Variants in COL6A6 observed in about 807,000 individuals in gnomAD.
COL6A6 encodes collagen alpha-6(VI) chain.
Under a neutral mutation model 208.6 loss-of-function variants are expected in COL6A6, and 183 were observed. That is an observed-to-expected ratio of 0.88 (90% CI 0.78 to 0.99). The LOEUF (loss-of-function observed/expected upper bound fraction) is 0.99. Ranked by LOEUF, COL6A6 falls within the 50% of genes least tolerant of loss-of-function variation. The pLI is 0.00. For synonymous variants in COL6A6, 973 were observed against 1,011.8 expected, an observed-to-expected ratio of 0.96 and a Z score of 0.73; for missense variants, 2,816 against 2,815.2, an observed-to-expected ratio of 1.00 and a Z score of -0.01.
Position 130,639,976 on chromosome 3 carries a change from C to T in COL6A6, c.5092-1676C>T, listed in dbSNP as rs6778293. On this transcript the variant is annotated intron_variant, in intron 28 of 36. Coordinates refer to ENST00000358511, the MANE Select transcript of COL6A6 (RefSeq NM_001102608.3). ...TTTACTGTACATACCCTCATTTACTCTCCCTGTCTCAGATACTGTAGGTTC... is the reference window on the plus strand; with the variant it reads ...TTTACTGTACATACCCTCATTTACTTTCCCTGTCTCAGATACTGTAGGTTC... 4.9e-3 allele frequency among the ~76,000 whole-genome samples: 746 copies of T among 152,262 alleles called. 8 individuals are homozygous for T. The highest frequency in any genetic ancestry group is 0.017 in the African/African-American group (688 of 41,536).
At chr3:130,635,096 G>A (rs56389712) in intron 27 of COL6A6, among the ~76,000 whole-genome samples, 15,842 of 152,064 alleles carry the variant, frequency 0.1, 1,273 homozygotes, top group Admixed American at 0.19. Context: ...TTAGCTAGGC[G>A]TGGTGGTGCA....
intron 36 of COL6A6, among the ~76,000 whole-genome samples, chr3:130,673,910 T>C (rs1292243203): frequency 6.6e-6 from 1 of 152,130 alleles, no homozygotes; most frequent in African/African-American, 2.4e-5. Context: ...TAAGCTATGA[T>C]GGCAACACTG....
intron 8 of COL6A6, among the ~76,000 whole-genome samples, chr3:130,578,087 T>C (rs954378502): frequency 2.0e-5 from 3 of 152,208 alleles, no homozygotes; most frequent in Non-Finnish European, 4.4e-5. Flanking sequence ...AGAGGAGACT[T>C]TGAGCAATTT....
In COL6A6 at chr3:130,649,292, G is replaced by A. The variant is rs1162002760; in HGVS notation, c.5463G>A (p.Lys1821=). Residue 1821 remains lysine (K), a synonymous_variant, in exon 33 of 37, where the codon AAG becomes AAA. Coordinates refer to ENST00000358511, the MANE Select transcript of COL6A6 (RefSeq NM_001102608.3). ...HLVRFSDAYK[K]SQLLREIETI... is the part of the protein sequence containing the mutation. ...TGCGCTTCTCAGACGCCTACAAGAA[G>A]AGTCAACTTCTCAGAGAAATTGAAA... 1 of 1,605,780 alleles carries A rather than the reference G, an allele frequency of 6.2e-7. No individual in the cohort carries two copies. The highest frequency in any genetic ancestry group is 2.2e-5 in the East Asian group (1 of 44,650).
chr3:130,569,435 A>G (rs1302722354), intron 6 of COL6A6, among the ~76,000 whole-genome samples: 2 of 152,196 alleles, frequency 1.3e-5, no homozygotes, highest in Non-Finnish European at 1.5e-5. Flanking sequence ...AGCTCAGCCA[A>G]TATAAGGGGC....
chr3:130,663,226 T>C (rs2065982518), intron 35 of COL6A6, among the ~76,000 whole-genome samples: 1 of 151,832 alleles, frequency 6.6e-6, no homozygotes, highest in Non-Finnish European at 1.5e-5. Flanking sequence ...GCCTTGGAGA[T>C]TGTTGTTGGG....
intron 31 of COL6A6, among the ~76,000 whole-genome samples, chr3:130,643,617 A>G (rs148385293): frequency 4.6e-4 from 70 of 152,358 alleles, no homozygotes; most frequent in African/African-American, 1.6e-3. Flanking sequence ...AATTTGTTTT[A>G]AACCTTTCTA....
In COL6A6 at chr3:130,567,039, C is replaced by T. The variant is rs143108657; in HGVS notation, c.1620C>T (p.His540=). The T allele has an allele frequency of 1.2e-3, 2,000 of 1,614,038 alleles. 24 individuals carry two copies. The African/African-American group carries it at 0.023, about 19-fold the overall frequency. Residue 540 remains histidine (H), a synonymous_variant, in exon 5 of 37, where the codon CAC becomes CAT. Transcript: ENST00000358511. The part of the protein sequence containing the change: ...KKQRGNKVPC[H]LVVLTNGMSK... ...AGCGAGGAAACAAAGTTCCATGCCA[C>T]CTTGTTGTCCTGACAAATGGCATGT...
intron 36 of COL6A6, among the ~76,000 whole-genome samples, chr3:130,673,605 G>A (rs1452038168): frequency 3.9e-5 from 6 of 152,104 alleles, no homozygotes; most frequent in African/African-American, 1.4e-4. Context: ...AATGTTCTAT[G>A]CATACAATCG....
chr3:130,551,333 T>C (rs1417403596), intron 1 of COL6A6, among the ~76,000 whole-genome samples: 2 of 152,178 alleles, frequency 1.3e-5, no homozygotes, highest in Non-Finnish European at 2.9e-5. Context: ...TATTATTGAT[T>C]CAATTTCAGA....
At chr3:130,550,321 C>T (rs1277144436) in intron 1 of COL6A6, among the ~76,000 whole-genome samples, 2 of 152,128 alleles carry the variant, frequency 1.3e-5, no homozygotes, top group Non-Finnish European at 2.9e-5. Context: ...GTTGTTCTGG[C>T]CAGGACTTCC....
At position 130,676,783 on chromosome 3, in the gene COL6A6, A is replaced by C. The variant is rs960266420; in HGVS notation, c.*1386A>C. ...CAAGAAGTTCAAGGAGTTAAATGTC[A>C]CATTCATACTCAGGTAATAGAGAAG... On this transcript the variant is annotated 3_prime_UTR_variant, in exon 37 of 37. Coordinates refer to ENST00000358511, the MANE Select transcript of COL6A6 (RefSeq NM_001102608.3). 3.3e-5 allele frequency: 5 copies of C among 152,260 alleles called. No individual in the cohort carries two copies. Among genetic ancestry groups the C allele is most frequent in the Non-Finnish European group, 7.3e-5 (5 of 68,038 alleles). 9.4% of individuals were successfully genotyped at this position (152,260 alleles called of 1,614,324 possible). A position where few individuals can be genotyped will look rare whatever the true frequency, so the allele number is the denominator to read the frequency against.
intron 23 of COL6A6, among the ~76,000 whole-genome samples, chr3:130,616,552 G>GAAAAAAA (rs35307177): frequency 8.3e-6 from 1 of 120,800 alleles, no homozygotes. Context: ...ATCAATGCCT[G>GAAAAAAA]AAAAAAAAAA....
intron 1 of COL6A6, among the ~76,000 whole-genome samples, chr3:130,546,820 A>T (rs894473956): frequency 6.5e-4 from 99 of 152,320 alleles, no homozygotes; most frequent in East Asian, 3.9e-4. Flanking sequence ...GTGTATTTAC[A>T]ATCCTTTAGC....
chr3:130,675,344 C>T lies in COL6A6; in HGVS notation c.6739C>T (p.His2247Tyr), dbSNP rs762090057. Residue 2247 changes from histidine (H) to tyrosine (Y), a missense_variant, in exon 37 of 37, where the codon CAT (histidine) becomes TAT (tyrosine). Coordinates refer to ENST00000358511, the MANE Select transcript of COL6A6 (RefSeq NM_001102608.3). Reference sequence around the variant, plus strand: ...TCAAAATTTTATGAGAAGCACCTCCCATACCTTTAAGAATGGAAGGATGAT... The same window carrying T: ...TCAAAATTTTATGAGAAGCACCTCCTATACCTTTAAGAATGGAAGGATGAT... ...AIQNFMRSTSHTFKNGRMIES... is the reference protein window; with the variant it reads ...AIQNFMRSTSYTFKNGRMIES... 2 of 1,601,588 alleles carry T rather than the reference C, an allele frequency of 1.2e-6. No individual in the cohort carries two copies. Among genetic ancestry groups the T allele is most frequent in the Non-Finnish European group, 1.7e-6 (2 of 1,173,596 alleles).
intron 1 of COL6A6, among the ~76,000 whole-genome samples, chr3:130,523,199 C>A (rs1711176878): frequency 6.6e-6 from 1 of 152,098 alleles, no homozygotes; most frequent in Admixed American, 6.5e-5. Flanking sequence ...AAACCATATT[C>A]TCCAGACTCT....
intron 27 of COL6A6, among the ~76,000 whole-genome samples, chr3:130,635,394 C>A (rs1330117505): frequency 6.6e-6 from 1 of 152,100 alleles, no homozygotes; most frequent in Non-Finnish European, 1.5e-5. Context: ...TTCTAGAAAC[C>A]CTTACTGAAC....
intron 28 of COL6A6, among the ~76,000 whole-genome samples, chr3:130,636,784 T>C (rs1218991452): frequency 6.2e-4 from 5 of 8,082 alleles, no homozygotes; most frequent in Admixed American, 1.8e-3. Context: ...CTCCCCTTCC[T>C]CCTCCCCTCC....
In COL6A6 at chr3:130,590,152, A is replaced by G. The variant is rs1273904337; in HGVS notation, c.4219-889A>G. The G allele has an allele frequency of 2.9e-5, 8 of 279,224 alleles. No individual in the cohort carries two copies. The East Asian group carries it at 5.5e-4, about 19-fold the overall frequency. 17.3% of individuals were successfully genotyped at this position (279,224 alleles called of 1,614,324 possible). A position where few individuals can be genotyped will look rare whatever the true frequency, so the allele number is the denominator to read the frequency against. ...GCTGTGTTGACTTGAATGTTTAGAAAGAAGCTCTGGAACTATATATAAACC... is the reference window on the plus strand; with the variant it reads ...GCTGTGTTGACTTGAATGTTTAGAAGGAAGCTCTGGAACTATATATAAACC... On this transcript the variant is annotated intron_variant, in intron 12 of 36. Coordinates refer to ENST00000358511, the MANE Select transcript of COL6A6 (RefSeq NM_001102608.3).
Sources: allele counts gnomAD v4.1 joint callset (sites outside exome capture counted in the v4.1 genomes callset), GRCh38; gene constraint gnomAD v4.1.1; transcripts MANE v1.5; gene names NCBI Gene and HGNC (gene_info 2026-07-23, HGNC 2026-07-21).